CDH12: variants seen among roughly 807,000 people sequenced by gnomAD.
The protein encoded by CDH12 is cadherin-12.
CDH12 carries 41 observed loss-of-function variants against 74.1 expected under a neutral mutation model. That is an observed-to-expected ratio of 0.55 (90% CI 0.43 to 0.72). CDH12 has a LOEUF of 0.72. CDH12 is among the 30% of genes least tolerant of loss of function. The pLI is 0.00. For missense variants in CDH12, 945 were observed against 977.2 expected, an observed-to-expected ratio of 0.97 and a Z score of 0.44; for synonymous variants, 399 against 355.0, an observed-to-expected ratio of 1.12 and a Z score of -1.39.
intron 1 of CDH12, among the ~76,000 whole-genome samples, chr5:22,568,420 C>T (rs1231578379): frequency 3.9e-5 from 6 of 152,086 alleles, no homozygotes; most frequent in Non-Finnish European, 5.9e-5. Context: ...GATGCCTCTG[C>T]GCATTTAGAC....
chr5:22,506,863 C>T (rs1736407224), intron 1 of CDH12, among the ~76,000 whole-genome samples: 1 of 152,140 alleles, frequency 6.6e-6, no homozygotes, highest in African/African-American at 2.4e-5. Flanking sequence ...ATATTATTAA[C>T]TTCAGGCTGA....
chr5:21,802,318 CTG>C lies in CDH12; in HGVS notation c.1103_1104del (p.Thr368SerfsTer12), dbSNP rs754384089. 6.2e-7 allele frequency: 1 copy of C among 1,613,734 alleles called. No homozygotes were observed. Among genetic ancestry groups the C allele is most frequent in the African/African-American group, 1.3e-5 (1 of 74,862 alleles). On this transcript the variant is annotated frameshift_variant, in exon 10 of 15. Coordinates refer to ENST00000382254, the MANE Select transcript of CDH12 (RefSeq NM_004061.5). LOFTEE classifies it high-confidence loss of function. ...RFHSAGPFKD[T>X]ATVKISVLDV... ...TCCAGCACGCTGATCTTCACCGTAG[CTG>C]TGTCTTTGAAAGGGCCCGCCGAGTG... is the stretch of plus-strand genomic sequence containing the variant.
At chr5:22,283,677 G>T (rs1737016245) in intron 3 of CDH12, among the ~76,000 whole-genome samples, 1 of 151,980 alleles carries the variant, frequency 6.6e-6, no homozygotes, top group African/African-American at 2.4e-5. Context: ...AGGAATAATA[G>T]ATCCAGAGAT....
intron 6 of CDH12, among the ~76,000 whole-genome samples, chr5:21,932,551 T>C (rs1293688164): frequency 6.6e-6 from 1 of 152,144 alleles, no homozygotes; most frequent in African/African-American, 2.4e-5. Context: ...TTTCACTGTC[T>C]TGTCTGTTAT....
intron 8 of CDH12, among the ~76,000 whole-genome samples, chr5:21,824,861 AAC>A (rs1748573004): frequency 6.6e-6 from 1 of 152,136 alleles, no homozygotes; most frequent in African/African-American, 2.4e-5. Context: ...TTAAAAGACT[AAC>A]AAAATATTGC....
At chr5:22,475,076 T>G (rs1261132572) in intron 2 of CDH12, among the ~76,000 whole-genome samples, 1 of 150,426 alleles carries the variant, frequency 6.6e-6, no homozygotes, top group Admixed American at 6.7e-5. Flanking sequence ...GTAGGCACTT[T>G]GTCTTGAATT....
intron 4 of CDH12, among the ~76,000 whole-genome samples, chr5:22,154,489 A>ATATG (rs1561169940): frequency 1.1e-3 from 4 of 3,744 alleles, no homozygotes; most frequent in African/African-American, 3.1e-3. Context: ...ATATGTACAC[A>ATATG]TATATATGTA....
intron 4 of CDH12, among the ~76,000 whole-genome samples, chr5:22,112,904 T>C (rs1450620016): frequency 2.0e-5 from 3 of 152,190 alleles, no homozygotes; most frequent in Admixed American, 6.6e-5. Flanking sequence ...GTTCATCTTA[T>C]AATGTGAGAG....
At chr5:21,857,650 C>T (rs935435703) in intron 6 of CDH12, among the ~76,000 whole-genome samples, 20 of 151,776 alleles carry the variant, frequency 1.3e-4, no homozygotes, top group East Asian at 3.9e-4. Context: ...AGAACTATGA[C>T]GAAGAGGCAT....
chr5:22,649,251 C>T (rs952138399), intron 1 of CDH12, among the ~76,000 whole-genome samples: 14 of 151,898 alleles, frequency 9.2e-5, no homozygotes, highest in African/African-American at 2.2e-4. Flanking sequence ...TTTGCAACAG[C>T]GATTATTATG....
intron 3 of CDH12, among the ~76,000 whole-genome samples, chr5:22,345,396 A>C (rs1304673972): frequency 6.6e-6 from 1 of 152,138 alleles, no homozygotes; most frequent in African/African-American, 2.4e-5. Flanking sequence ...ATACCTTGTT[A>C]AACTGTATGC....
rs58606764 is a variant in CDH12 at position 22,416,060 on chromosome 5, C to CTTT, written c.-427-10712_-427-10710dup. Among the ~76,000 whole-genome samples, 72 of 65,154 alleles carry CTTT rather than the reference C, an allele frequency of 1.1e-3. 2 individuals are homozygous for CTTT. The highest frequency in any genetic ancestry group is 1.6e-3 in the Non-Finnish European group (62 of 39,448). The allele number at this position is 65,154 out of a possible 152,430, so 42.7% of individuals were successfully genotyped here. ...AAACAAGTGTAATGTACTTGTAGGTCTTTTTTTTTTTTTTTTTTTTTTTTT... is the reference window on the plus strand; with the variant it reads ...AAACAAGTGTAATGTACTTGTAGGTCTTTTTTTTTTTTTTTTTTTTTTTTTTTT... On this transcript the variant is annotated intron_variant, in intron 2 of 14. Coordinates refer to ENST00000382254, the MANE Select transcript of CDH12 (RefSeq NM_004061.5).
chr5:22,111,485 T>C (rs908099005), intron 4 of CDH12, among the ~76,000 whole-genome samples: 5 of 152,316 alleles, frequency 3.3e-5, no homozygotes, highest in African/African-American at 1.2e-4. Context: ...CAATTTGCGT[T>C]TCACTATGCA....
intron 1 of CDH12, among the ~76,000 whole-genome samples, chr5:22,521,589 A>G (rs1561464949): frequency 6.6e-6 from 1 of 152,200 alleles, no homozygotes; most frequent in Admixed American, 6.6e-5. Flanking sequence ...ATGGTAACCT[A>G]TTACATTTAG....
intron 5 of CDH12, among the ~76,000 whole-genome samples, chr5:22,026,537 C>G (rs1290504012): frequency 3.3e-5 from 5 of 152,128 alleles, no homozygotes; most frequent in African/African-American, 4.8e-5. Context: ...CACCCCAAAT[C>G]CAGGAACTGC....
At chr5:22,053,813 T>C (rs1381346119) in intron 5 of CDH12, among the ~76,000 whole-genome samples, 4 of 152,110 alleles carry the variant, frequency 2.6e-5, no homozygotes, top group African/African-American at 9.7e-5. Flanking sequence ...TGTTTCCAAA[T>C]GTAATCTAAT....
intron 6 of CDH12, among the ~76,000 whole-genome samples, chr5:21,969,101 A>T (rs543137907): frequency 6.6e-6 from 1 of 151,966 alleles, no homozygotes; most frequent in South Asian, 2.1e-4. Context: ...AATGTAACAA[A>T]CCTGCACATC....
chr5:22,268,116 G>T (rs1736217898), intron 3 of CDH12, among the ~76,000 whole-genome samples: 3 of 152,028 alleles, frequency 2.0e-5, no homozygotes, highest in Admixed American at 6.6e-5. Context: ...GGTATCAGGG[G>T]AGGTGAAGGA....
intron 4 of CDH12, among the ~76,000 whole-genome samples, chr5:22,133,879 A>AT (rs141985307): frequency 4.6e-5 from 7 of 152,064 alleles, no homozygotes; most frequent in South Asian, 2.1e-4. Flanking sequence ...AGTTAATTTG[A>AT]TTTTTTTCGG....
Sources: allele counts gnomAD v4.1 joint callset (sites outside exome capture counted in the v4.1 genomes callset), GRCh38; gene constraint gnomAD v4.1.1; transcripts MANE v1.5; gene names NCBI Gene and HGNC (gene_info 2026-07-23, HGNC 2026-07-21).